Variants in LSAMP observed in about 807,000 individuals in gnomAD.
LSAMP encodes limbic system associated membrane protein.
In LSAMP, 7 loss-of-function variants were observed where a neutral mutation model predicts 38.6. That is an observed-to-expected ratio of 0.18 (90% CI 0.10 to 0.34). The LOEUF is 0.34. Among genes scored for constraint, LSAMP ranks in the 10% least tolerant of loss-of-function variants. The pLI is 1.00. For missense variants in LSAMP, 313 were observed against 420.0 expected (o/e 0.75, Z 2.23); for synonymous variants, 154 against 166.8 (o/e 0.92, Z 0.59).
chr3:115,836,690 C>G (rs1934801016), intron 6 of LSAMP, among the ~76,000 whole-genome samples: 1 of 146,906 alleles, frequency 6.8e-6, no homozygotes, highest in Non-Finnish European at 1.5e-5. Flanking sequence ...CGAGATGTAT[C>G]CACAGAGCCC....
intron 2 of LSAMP, among the ~76,000 whole-genome samples, chr3:116,074,018 T>C (rs1056169225): frequency 1.3e-5 from 2 of 152,238 alleles, no homozygotes; most frequent in Non-Finnish European, 2.9e-5. Flanking sequence ...AACGTGGCCC[T>C]GGATCCAGGC....
intron 1 of LSAMP, among the ~76,000 whole-genome samples, chr3:116,140,157 C>T (rs1345408553): frequency 6.6e-6 from 1 of 151,978 alleles, no homozygotes; most frequent in African/African-American, 2.4e-5. Flanking sequence ...GTAGTTCTGA[C>T]TCTGAAATAC....
chr3:116,097,944 A>G (rs1380110643), intron 1 of LSAMP, among the ~76,000 whole-genome samples: 3 of 152,038 alleles, frequency 2.0e-5, no homozygotes, highest in African/African-American at 7.2e-5. Context: ...TATGTTGGTC[A>G]GGCTGGTCTC....
At chr3:116,186,972 G>C (rs895577647) in intron 1 of LSAMP, among the ~76,000 whole-genome samples, 1 of 152,092 alleles carries the variant, frequency 6.6e-6, no homozygotes, top group East Asian at 1.9e-4. Context: ...CCAGGTGGTG[G>C]GAGGGGTGGT....
At chr3:115,933,055 C>T (rs766895479) in intron 3 of LSAMP, among the ~76,000 whole-genome samples, 6 of 152,028 alleles carry the variant, frequency 3.9e-5, no homozygotes, top group East Asian at 1.9e-4. Context: ...ATGGAATAAG[C>T]GAAGTGAGAG....
intron 3 of LSAMP, among the ~76,000 whole-genome samples, chr3:115,855,734 C>G (rs1935487754): frequency 6.6e-6 from 1 of 152,216 alleles, no homozygotes; most frequent in Admixed American, 6.5e-5. Context: ...TTCTCCAGTT[C>G]TTTCAGTTCT....
chr3:115,853,943 C>T (rs555163144), intron 3 of LSAMP, among the ~76,000 whole-genome samples: 4 of 152,256 alleles, frequency 2.6e-5, no homozygotes, highest in South Asian at 2.1e-4. Flanking sequence ...ACCAAATCAA[C>T]GTAACAGACA....
At chr3:116,245,232 C>T (rs550331910) in intron 1 of LSAMP, among the ~76,000 whole-genome samples, 20 of 152,102 alleles carry the variant, frequency 1.3e-4, no homozygotes, top group Non-Finnish European at 1.9e-4. Flanking sequence ...ACCTGCAAGA[C>T]GAGGATCATG....
intron 3 of LSAMP, among the ~76,000 whole-genome samples, chr3:115,946,901 A>G (rs139509431): frequency 2.0e-5 from 3 of 152,248 alleles, no homozygotes; most frequent in East Asian, 1.9e-4. Flanking sequence ...TGTCAAACAT[A>G]TATGTTTAGA....
chr3:115,912,724 A>T (rs1055877862), intron 3 of LSAMP, among the ~76,000 whole-genome samples: 4 of 152,102 alleles, frequency 2.6e-5, no homozygotes, highest in African/African-American at 4.8e-5. Context: ...TGTTTAAAAA[A>T]TTTTTTGTCT....
At position 115,930,002 on chromosome 3, in the gene LSAMP, G is replaced by GT. The variant is rs1170325465; in HGVS notation, c.515-77386dup. Among the ~76,000 whole-genome samples the GT allele has an allele frequency of 2.4e-3, 193 of 80,270 alleles. 22 individuals are homozygous for GT. The highest frequency in any genetic ancestry group is 6.8e-3 in the African/African-American group (143 of 21,022). 52.7% of individuals were successfully genotyped at this position (80,270 alleles called of 152,430 possible). A position where few individuals can be genotyped will look rare whatever the true frequency, so the allele number is the denominator to read the frequency against. On this transcript the variant is annotated intron_variant, in intron 3 of 6. Transcript: ENST00000490035. ...ATCCAGATCTATAAATTTAGCAGAA[G>GT]TTTTTTTTTTTTTTTTTTTTTTTTG... is the stretch of plus-strand genomic sequence containing the variant.
intron 1 of LSAMP, among the ~76,000 whole-genome samples, chr3:116,167,447 C>G (rs1381700396): frequency 6.6e-6 from 1 of 152,182 alleles, no homozygotes; most frequent in Non-Finnish European, 1.5e-5. Flanking sequence ...TATGTAAACA[C>G]AATGAAGTTG....
At chr3:116,407,635 T>TAAAA (rs2048913964) in intron 1 of LSAMP, among the ~76,000 whole-genome samples, 1 of 152,094 alleles carries the variant, frequency 6.6e-6, no homozygotes, top group African/African-American at 2.4e-5. Flanking sequence ...TAAGAAATTG[T>TAAAA]TGGTTATTGT....
intron 1 of LSAMP, among the ~76,000 whole-genome samples, chr3:116,126,847 G>T (rs1709019467): frequency 6.6e-6 from 1 of 151,084 alleles, no homozygotes; most frequent in Non-Finnish European, 1.5e-5. Context: ...GGGAGACAGG[G>T]CAAAACTCCA....
chr3:115,891,315 A>C (rs932415943), intron 3 of LSAMP, among the ~76,000 whole-genome samples: 1 of 152,054 alleles, frequency 6.6e-6, no homozygotes, highest in African/African-American at 2.4e-5. Flanking sequence ...TGATATAAAC[A>C]GAAGCTTAAA....
chr3:116,299,710 CTG>C (rs1215408362), intron 1 of LSAMP, among the ~76,000 whole-genome samples: 1 of 152,194 alleles, frequency 6.6e-6, no homozygotes, highest in East Asian at 1.9e-4. Context: ...AGATCCCCAA[CTG>C]TGACTAGTTG....
chr3:116,191,717 A>C (rs886501686), intron 1 of LSAMP, among the ~76,000 whole-genome samples: 2 of 151,936 alleles, frequency 1.3e-5, no homozygotes, highest in African/African-American at 4.8e-5. Flanking sequence ...ACATTCCTGC[A>C]TGGTATTCCT....
intron 1 of LSAMP, among the ~76,000 whole-genome samples, chr3:116,241,356 C>T (rs1016364580): frequency 1.3e-5 from 2 of 152,150 alleles, no homozygotes; most frequent in Admixed American, 1.3e-4. Flanking sequence ...CGCCTGAGGT[C>T]AGGAGTTTGA....
At chr3:116,149,317 T>C (rs1190019876) in intron 1 of LSAMP, among the ~76,000 whole-genome samples, 2 of 151,950 alleles carry the variant, frequency 1.3e-5, no homozygotes, top group Admixed American at 6.6e-5. Context: ...GCACTGCCTT[T>C]GCTGTCCCTA....
Sources: gnomAD v4.1 joint callset for allele counts (sites outside exome capture counted in the v4.1 genomes callset) on GRCh38, gnomAD v4.1.1 for gene constraint, MANE v1.5 for transcripts, NCBI Gene and HGNC (gene_info 2026-07-23, HGNC 2026-07-21) for gene names.